Variants in NCKAP1L observed in about 807,000 individuals in gnomAD.
NCKAP1L encodes NCK associated protein 1 like, also known as nck-associated protein 1-like.
A neutral mutation model predicts 139.2 loss-of-function variants in NCKAP1L; 53 were observed. That is an observed-to-expected ratio of 0.38 (90% confidence interval 0.31 to 0.48). NCKAP1L has a LOEUF of 0.48. NCKAP1L is among the 20% of genes least tolerant of loss of function. NCKAP1L has a pLI of 0.98. For synonymous variants in NCKAP1L, 468 were observed against 499.7 expected, an observed-to-expected ratio of 0.94 and a Z score of 0.85; for missense variants, 1,151 against 1,381.9, an observed-to-expected ratio of 0.83 and a Z score of 2.65.
intron 20 of NCKAP1L, among the ~76,000 whole-genome samples, chr12:54,524,496 G>A (rs770276698): frequency 8.5e-5 from 13 of 152,156 alleles, no homozygotes; most frequent in Non-Finnish European, 1.9e-4. Context: ...AAAGTAAGAT[G>A]CACATTGGAA....
At chr12:54,507,311 A>G (rs1464958441) in intron 3 of NCKAP1L, among the ~76,000 whole-genome samples, 1 of 152,154 alleles carries the variant, frequency 6.6e-6, no homozygotes, top group East Asian at 1.9e-4. Context: ...AAAGGAGAAG[A>G]ATCCCTATCA....
intron 22 of NCKAP1L, 130 bp downstream of exon 22, chr12:54,528,507 C>T (rs1376260021): frequency 1.8e-6 from 2 of 1,116,948 alleles, no homozygotes; most frequent in African/African-American, 3.1e-5. Flanking sequence ...ATTGCAAAAA[C>T]CACAGTTACT....
intron 15 of NCKAP1L, 63 bp from the exon 16 acceptor site, chr12:54,519,124 C>T: frequency 6.4e-7 from 1 of 1,562,230 alleles, no homozygotes; most frequent in Admixed American, 2.0e-5. Context: ...ACTGTAATTC[C>T]AAGGCTGGGG....
intron 16 of NCKAP1L, 96 bp from the exon 17 acceptor site, chr12:54,520,598 G>A: frequency 1.6e-6 from 2 of 1,267,132 alleles, no homozygotes; most frequent in Non-Finnish European, 2.3e-6. Context: ...AAAGGGACTA[G>A]CTCTTAAACT....
chr12:54,507,840 C>T lies in NCKAP1L; in HGVS notation c.307-13C>T. 6.2e-7 allele frequency: 1 copy of T among 1,612,782 alleles called. No individual in the cohort carries two copies. Among genetic ancestry groups the T allele is most frequent in the Non-Finnish European group, 8.5e-7 (1 of 1,178,816 alleles). Reference sequence around the variant, plus strand: ...GATTTTTTATTAATTCTTGTCTTCACTTCCACCCCCAGGATCATGTATATG... The same window carrying T: ...GATTTTTTATTAATTCTTGTCTTCATTTCCACCCCCAGGATCATGTATATG... On this transcript the variant is annotated splice_polypyrimidine_tract_variant and intron_variant, in intron 3 of 30. Coordinates refer to ENST00000293373, the MANE Select transcript of NCKAP1L (RefSeq NM_005337.5).
chr12:54,511,892 T>C (rs1353556513), intron 8 of NCKAP1L, 41 bp downstream of exon 8: 3 of 1,613,936 alleles, frequency 1.9e-6, no homozygotes, highest in Admixed American at 3.3e-5. Flanking sequence ...TGAAGCAGTA[T>C]GTTATATGAA....
chr12:54,530,765 A>G (rs1424042603), intron 22 of NCKAP1L, among the ~76,000 whole-genome samples: 1 of 152,210 alleles, frequency 6.6e-6, no homozygotes, highest in East Asian at 1.9e-4. Flanking sequence ...TCATAACATC[A>G]TCATAATACT....
chr12:54,530,745 T>C (rs1238463708), intron 22 of NCKAP1L, among the ~76,000 whole-genome samples: 1 of 152,228 alleles, frequency 6.6e-6, no homozygotes. Context: ...TGCCACATAA[T>C]TCAGAGGACT....
intron 5 of NCKAP1L, 143 bp from the exon 6 acceptor site, chr12:54,509,526 T>A (rs1051260942): frequency 6.3e-6 from 4 of 635,650 alleles, no homozygotes; most frequent in Non-Finnish European, 1.1e-5. Flanking sequence ...TATCTTTATA[T>A]GTAATTTACA....
chr12:54,523,713 G>A, intron 19 of NCKAP1L, 112 bp from the exon 20 acceptor site: 1 of 1,465,266 alleles, frequency 6.8e-7, no homozygotes, highest in South Asian at 1.4e-5. Context: ...ACATCAATGT[G>A]TACTCTTCTA....
intron 1 of NCKAP1L, among the ~76,000 whole-genome samples, chr12:54,499,065 A>G (rs1956774982): frequency 6.6e-6 from 1 of 152,002 alleles, no homozygotes; most frequent in Admixed American, 6.6e-5. Context: ...ACCTGGGACT[A>G]CAGTTGTGCA....
At chr12:54,538,721 T>A (rs755378926) in intron 29 of NCKAP1L, among the ~76,000 whole-genome samples, 163 bp from the exon 30 acceptor site, 4 of 152,256 alleles carry the variant, frequency 2.6e-5, no homozygotes, top group Non-Finnish European at 5.9e-5. Context: ...AGGCAACATG[T>A]ATCTCTGAAA....
intron 26 of NCKAP1L, among the ~76,000 whole-genome samples, chr12:54,533,797 T>C (rs1425455816): frequency 6.6e-6 from 1 of 152,184 alleles, no homozygotes; most frequent in Admixed American, 6.5e-5. Flanking sequence ...CTCCAACTCC[T>C]GGACTCAAGT....
chr12:54,524,599 T>C (rs1338442420), intron 20 of NCKAP1L, among the ~76,000 whole-genome samples: 3 of 152,186 alleles, frequency 2.0e-5, no homozygotes, highest in African/African-American at 7.2e-5. Context: ...AGTATGTAGC[T>C]TATTCATTCA....
chr12:54,541,331 G>C (rs565209232), intron 30 of NCKAP1L, among the ~76,000 whole-genome samples: 3 of 152,322 alleles, frequency 2.0e-5, no homozygotes, highest in South Asian at 4.1e-4. Flanking sequence ...TTCCACTCCC[G>C]TAAACTTCTG....
intron 2 of NCKAP1L, 110 bp downstream of exon 2, chr12:54,499,575 T>C: frequency 1.5e-6 from 1 of 645,392 alleles, no homozygotes; most frequent in South Asian, 1.9e-5. Context: ...GGAGTAGTCT[T>C]TTTTTATTAA....
At position 54,512,088 on chromosome 12, in the gene NCKAP1L, G is replaced by T; in HGVS notation, c.924G>T (p.Leu308=). 6.2e-7 allele frequency: 1 copy of T among 1,614,122 alleles called. No homozygotes were observed. The highest frequency in any genetic ancestry group is 1.3e-5 in the African/African-American group (1 of 75,046). The change falls in exon 9 of 31, where the codon CTG becomes CTT. Residue 308 remains leucine, a synonymous_variant. Coordinates refer to ENST00000293373, the MANE Select transcript of NCKAP1L (RefSeq NM_005337.5). The part of the protein sequence containing the change: ...VLQVHKVTED[L]FSSLKGYGKR... ...AGGTGCACAAAGTCACCGAGGACCTGTTTAGCAGTTTGAAAGGGTGAGAGA... is the reference window on the plus strand; with the variant it reads ...AGGTGCACAAAGTCACCGAGGACCTTTTTAGCAGTTTGAAAGGGTGAGAGA...
intron 3 of NCKAP1L, among the ~76,000 whole-genome samples, chr12:54,503,106 T>A (rs991527207): frequency 6.6e-6 from 1 of 152,078 alleles, no homozygotes; most frequent in African/African-American, 2.4e-5. Flanking sequence ...TTTAGTTATG[T>A]CTCCTTCATC....
At chr12:54,534,167 C>T (rs967865740) in intron 26 of NCKAP1L, among the ~76,000 whole-genome samples, 1 of 152,178 alleles carries the variant, frequency 6.6e-6, no homozygotes, top group African/African-American at 2.4e-5. Context: ...GTAAAGGCAT[C>T]ACATTTTCTC....
Sources: gnomAD v4.1 joint callset for allele counts (sites outside exome capture counted in the v4.1 genomes callset) on GRCh38, gnomAD v4.1.1 for gene constraint, MANE v1.5 for transcripts, NCBI Gene and HGNC (gene_info 2026-07-23, HGNC 2026-07-21) for gene names.